DHRS9: variants seen among roughly 807,000 people sequenced by gnomAD.
The protein encoded by DHRS9 is dehydrogenase/reductase 9.
Under a neutral mutation model 26.6 loss-of-function variants are expected in DHRS9, and 18 were observed. The observed-to-expected ratio is 0.68, with a 90% confidence interval of 0.47 to 1.00. DHRS9 has a LOEUF of 1.00. Ranked by LOEUF, DHRS9 falls within the 50% of genes least tolerant of loss-of-function variation. The pLI is 0.00. For missense variants in DHRS9, 425 were observed against 378.7 expected, an observed-to-expected ratio of 1.12 and a Z score of -1.01; for synonymous variants, 134 against 141.1, an observed-to-expected ratio of 0.95 and a Z score of 0.36.
chr2:169,068,433 T>G (rs1683708279), upstream of DHRS9, among the ~76,000 whole-genome samples: 1 of 152,108 alleles, frequency 6.6e-6, no homozygotes, highest in Admixed American at 6.5e-5. Flanking sequence ...ATTCAAGAGA[T>G]TCTGTCTTAG....
At chr2:169,069,942 G>A (rs1348297993) in intron 1 of DHRS9, among the ~76,000 whole-genome samples, 1 of 152,002 alleles carries the variant, frequency 6.6e-6, no homozygotes, top group Non-Finnish European at 1.5e-5. Context: ...AACTCCTCCA[G>A]GACTCTCTTT....
intron 3 of DHRS9, among the ~76,000 whole-genome samples, chr2:169,087,415 G>A (rs959740927): frequency 6.6e-6 from 1 of 152,094 alleles, no homozygotes; most frequent in South Asian, 2.1e-4. Flanking sequence ...GTTGAGAAAT[G>A]CCATCTAAGA....
intron 4 of DHRS9, among the ~76,000 whole-genome samples, chr2:169,093,684 C>A (rs1684605506): frequency 6.6e-6 from 1 of 152,092 alleles, no homozygotes; most frequent in African/African-American, 2.4e-5. Flanking sequence ...TCAGAAATAC[C>A]AAAAGGCATT....
intron 1 of DHRS9, among the ~76,000 whole-genome samples, chr2:169,080,089 A>C (rs1158650887): frequency 1.3e-5 from 2 of 152,082 alleles, no homozygotes; most frequent in Non-Finnish European, 2.9e-5. Context: ...TTGGCCTCTC[A>C]GTTCCTTTTT....
intron 4 of DHRS9, among the ~76,000 whole-genome samples, chr2:169,092,571 A>C (rs1684563997): frequency 6.6e-6 from 1 of 152,216 alleles, no homozygotes; most frequent in South Asian, 2.1e-4. Context: ...CTAATTCCCC[A>C]GGGAATTTAG....
intron 4 of DHRS9, among the ~76,000 whole-genome samples, chr2:169,092,209 G>C (rs1183834987): frequency 6.6e-6 from 1 of 152,166 alleles, no homozygotes; most frequent in African/African-American, 2.4e-5. Flanking sequence ...AAAACTATTA[G>C]AGTAATGAGC....
chr2:169,081,281 C>A, intron 1 of DHRS9: 1 of 785,008 alleles, frequency 1.3e-6, no homozygotes, highest in Non-Finnish European at 1.7e-6. Context: ...CCATGGCTCC[C>A]CTCTCCCTCT....
chr2:169,079,894 A>AGAGAGG lies in DHRS9; in HGVS notation c.-59-1626_-59-1625insAGGGAG, dbSNP rs1558951396. On this transcript the variant is annotated intron_variant, in intron 1 of 4. Coordinates refer to ENST00000674881, the MANE Select transcript of DHRS9 (RefSeq NM_001376924.1). ...GAAAGAAAGAAAGAAAGAGAGAGAG[A>AGAGAGG]GAGGGAGGGAGGGAGGGAGGGAGGG... Among the ~76,000 whole-genome samples, 13 of 86,332 alleles carry AGAGAGG rather than the reference A, an allele frequency of 1.5e-4. 1 individual carries two copies. Among genetic ancestry groups the AGAGAGG allele is most frequent in the African/African-American group, 2.5e-4 (4 of 16,006 alleles). The allele number at this position is 86,332 out of a possible 152,430, so 56.6% of individuals were successfully genotyped here. A position where few individuals can be genotyped will look rare whatever the true frequency, so the allele number is the denominator to read the frequency against.
Position 169,069,621 on chromosome 2 carries a change from G to A in DHRS9, c.-156G>A, listed in dbSNP as rs181182928. The A allele has an allele frequency of 5.1e-6, 5 of 985,456 alleles. No homozygotes were observed. The highest frequency in any genetic ancestry group is 1.2e-4 in the Admixed American group (2 of 16,286). 61.0% of individuals were successfully genotyped at this position (985,456 alleles called of 1,614,324 possible). A position where few individuals can be genotyped will look rare whatever the true frequency, so the allele number is the denominator to read the frequency against. ...CCTCAAGAGGATCAGCCTGGCCAGG[G>A]TGGCACAACTCTTCCTTCCCCGTGC... On this transcript the variant is annotated 5_prime_UTR_variant, in exon 1 of 5. It adds an upstream start codon to the 5' untranslated region. Coordinates refer to ENST00000674881, the MANE Select transcript of DHRS9 (RefSeq NM_001376924.1).
intron 1 of DHRS9, among the ~76,000 whole-genome samples, chr2:169,073,666 C>T (rs1429941988): frequency 6.6e-6 from 1 of 152,070 alleles, no homozygotes; most frequent in Non-Finnish European, 1.5e-5. Flanking sequence ...TCTTATCCTC[C>T]TGATGACAAA....
intron 1 of DHRS9, among the ~76,000 whole-genome samples, chr2:169,077,653 C>T (rs571478702): frequency 1.3e-5 from 2 of 151,988 alleles, no homozygotes; most frequent in African/African-American, 4.8e-5. Context: ...TGTAGAAACC[C>T]CTGAATTCTA....
intron 1 of DHRS9, chr2:169,070,520 G>C: frequency 1.0e-6 from 1 of 985,380 alleles, no homozygotes; most frequent in Non-Finnish European, 1.2e-6. Context: ...ATTTATCCTA[G>C]TATCCCTCGG....
At chr2:169,092,169 T>C (rs1040820155) in intron 4 of DHRS9, among the ~76,000 whole-genome samples, 1 of 152,242 alleles carries the variant, frequency 6.6e-6, no homozygotes, top group Non-Finnish European at 1.5e-5. Flanking sequence ...ATCTGCTAAG[T>C]GTCTTATGAA....
At chr2:169,075,329 C>T (rs554686729) in intron 1 of DHRS9, among the ~76,000 whole-genome samples, 1 of 152,056 alleles carries the variant, frequency 6.6e-6, no homozygotes, top group East Asian at 1.9e-4. Flanking sequence ...CTTCTCATTC[C>T]TCTCTATATA....
At chr2:169,081,967 T>C in intron 2 of DHRS9, 73 bp downstream of exon 2, 2 of 1,433,846 alleles carry the variant, frequency 1.4e-6, no homozygotes, top group Non-Finnish European at 1.9e-6. Context: ...AAATAAAACA[T>C]GCTCAAGTTT....
At chr2:169,086,719 C>G (rs1684363124) in intron 3 of DHRS9, among the ~76,000 whole-genome samples, 1 of 152,122 alleles carries the variant, frequency 6.6e-6, no homozygotes, top group African/African-American at 2.4e-5. Context: ...AGGGGGCAAC[C>G]CAAGCCCAGT....
chr2:169,076,072 A>ATGG (rs1051988306), intron 1 of DHRS9, among the ~76,000 whole-genome samples: 4 of 152,316 alleles, frequency 2.6e-5, no homozygotes, highest in African/African-American at 9.6e-5. Context: ...CAGTTGCCAA[A>ATGG]TGGTGATATT....
intron 3 of DHRS9, among the ~76,000 whole-genome samples, chr2:169,085,235 T>A (rs558011412): frequency 1.4e-4 from 22 of 152,320 alleles, no homozygotes; most frequent in African/African-American, 5.1e-4. Context: ...TTGTTTACTA[T>A]AGCTTTATAG....
chr2:169,071,196 T>C (rs982057863), intron 1 of DHRS9, among the ~76,000 whole-genome samples: 3 of 152,282 alleles, frequency 2.0e-5, no homozygotes, highest in African/African-American at 7.2e-5. Flanking sequence ...AAGCTTTCCT[T>C]AAAGCCTTGT....
Sources: allele counts gnomAD v4.1 joint callset (sites outside exome capture counted in the v4.1 genomes callset), GRCh38; gene constraint gnomAD v4.1.1; transcripts MANE v1.5; gene names NCBI Gene and HGNC (gene_info 2026-07-23, HGNC 2026-07-21).